KAZN: variants seen among roughly 807,000 people sequenced by gnomAD.
KAZN encodes kazrin.
A neutral mutation model predicts 87.4 loss-of-function variants in KAZN; 40 were observed. That is an observed-to-expected ratio of 0.46 (90% CI 0.36 to 0.60). The LOEUF (loss-of-function observed/expected upper bound fraction) is 0.60, where lower values mean the gene tolerates loss of function less well. KAZN is among the 20% of genes least tolerant of loss of function. KAZN has a pLI of 0.00. For missense variants in KAZN, 898 were observed against 1,073.9 expected (o/e 0.84, Z 2.29); for synonymous variants, 466 against 458.3 (o/e 1.02, Z -0.22).
At chr1:14,835,541 T>A (rs1273080578) in intron 1 of KAZN, among the ~76,000 whole-genome samples, 1 of 152,142 alleles carries the variant, frequency 6.6e-6, no homozygotes. Flanking sequence ...AGTAAAGTTA[T>A]GGATAGTCTC....
chr1:14,591,832 A>G (rs1364894384), intron 2 of KAZN, among the ~76,000 whole-genome samples: 1 of 152,148 alleles, frequency 6.6e-6, no homozygotes. Context: ...CGTGTGTTTC[A>G]TCAACACTGA....
chr1:14,300,501 A>G (rs1365580916), intron 2 of KAZN, among the ~76,000 whole-genome samples: 3 of 152,106 alleles, frequency 2.0e-5, no homozygotes, highest in Admixed American at 6.5e-5. Context: ...CTCCCAAAGT[A>G]CTGAGATTAC....
chr1:14,582,028 G>C (rs999548058), intron 2 of KAZN, among the ~76,000 whole-genome samples: 1 of 151,884 alleles, frequency 6.6e-6, no homozygotes, highest in Non-Finnish European at 1.5e-5. Context: ...AAAAGGGCAG[G>C]GACTTTGCCT....
At chr1:14,778,694 C>T (rs189327275) in intron 1 of KAZN, among the ~76,000 whole-genome samples, 1 of 152,282 alleles carries the variant, frequency 6.6e-6, no homozygotes, top group Admixed American at 6.5e-5. Context: ...TTCTCTTTTG[C>T]CACGTAACAA....
chr1:14,225,138 C>T lies in KAZN; in HGVS notation c.249+44546C>T, dbSNP rs10928053. 7.3e-3 allele frequency among the ~76,000 whole-genome samples: 1,108 copies of T among 152,170 alleles called. 14 individuals are homozygous for T. Among genetic ancestry groups the T allele is most frequent in the African/African-American group, 0.026 (1,068 of 41,554 alleles). On this transcript the variant is annotated intron_variant, in intron 2 of 16. Transcript: ENST00000636203. ...TCTGTTTGCAGACAATATAATTTTA[C>T]ACCTAGAAAACCCCAGTCTTTGCTA...
intron 13 of KAZN, among the ~76,000 whole-genome samples, chr1:15,109,657 G>T (rs1641420223): frequency 3.3e-5 from 1 of 30,362 alleles, no homozygotes; most frequent in Non-Finnish European, 6.1e-5. Flanking sequence ...GTATGTTTGT[G>T]TATGTGTTTA....
At chr1:14,580,383 G>A (rs571771756) in intron 2 of KAZN, among the ~76,000 whole-genome samples, 2 of 152,256 alleles carry the variant, frequency 1.3e-5, no homozygotes, top group African/African-American at 4.8e-5. Context: ...GCTGAGGCAG[G>A]AGAATTGCTT....
intron 2 of KAZN, among the ~76,000 whole-genome samples, chr1:14,288,148 G>A (rs1011201236): frequency 6.6e-6 from 1 of 152,112 alleles, no homozygotes; most frequent in Non-Finnish European, 1.5e-5. Flanking sequence ...CTCTTTTTTT[G>A]TTGTGTCTCT....
intron 1 of KAZN, among the ~76,000 whole-genome samples, chr1:13,929,210 C>A (rs1040656723): frequency 6.6e-6 from 1 of 152,030 alleles, no homozygotes; most frequent in Admixed American, 6.6e-5. Flanking sequence ...ACGAGCCTGG[C>A]CCAAGGGTCT....
intron 2 of KAZN, among the ~76,000 whole-genome samples, chr1:14,426,201 G>A (rs1156935937): frequency 1.3e-5 from 2 of 152,112 alleles, no homozygotes. Context: ...TTTCTTGAAT[G>A]TTCTTTCCCT....
chr1:13,966,623 C>T (rs1366880582), intron 1 of KAZN, among the ~76,000 whole-genome samples: 1 of 152,180 alleles, frequency 6.6e-6, no homozygotes, highest in Non-Finnish European at 1.5e-5. Context: ...CTCTTGGTGT[C>T]TACCACAGTA....
chr1:14,339,671 T>G (rs1373465372), intron 2 of KAZN, among the ~76,000 whole-genome samples: 1 of 152,230 alleles, frequency 6.6e-6, no homozygotes, highest in African/African-American at 2.4e-5. Flanking sequence ...TTCAACTGAC[T>G]GAATTAGCCC....
rs190498438 is a variant in KAZN, at chr1:14,829,752, T to C, written c.227-130932T>C. ...AAGAAGCGTGACAAATTTTCAGAGATCAGAGGAGGCTAGTGTGGCCAGAGC... is the reference window on the plus strand; with the variant it reads ...AAGAAGCGTGACAAATTTTCAGAGACCAGAGGAGGCTAGTGTGGCCAGAGC... On this transcript the variant is annotated intron_variant, in intron 1 of 14. Coordinates refer to ENST00000376030, the MANE Select transcript of KAZN (RefSeq NM_201628.3). 4.5e-4 allele frequency among the ~76,000 whole-genome samples: 69 copies of C among 152,260 alleles called. 1 individual carries two copies. The highest frequency in any genetic ancestry group is 3.4e-3 in the Middle Eastern group (1 of 294).
intron 1 of KAZN, among the ~76,000 whole-genome samples, chr1:14,819,996 A>C (rs1157777715): frequency 1.3e-5 from 2 of 152,122 alleles, no homozygotes; most frequent in Non-Finnish European, 2.9e-5. Flanking sequence ...GGCATAAGCC[A>C]CTGTGCCTGG....
At chr1:14,912,759 A>G (rs918020031) in intron 1 of KAZN, among the ~76,000 whole-genome samples, 1 of 152,228 alleles carries the variant, frequency 6.6e-6, no homozygotes, top group African/African-American at 2.4e-5. Context: ...AAATGTTGGC[A>G]TCCGGTTTAA....
At chr1:14,834,591 G>C (rs1647164108) in intron 1 of KAZN, among the ~76,000 whole-genome samples, 1 of 151,438 alleles carries the variant, frequency 6.6e-6, no homozygotes, top group African/African-American at 2.4e-5. Flanking sequence ...TCGATCTCCT[G>C]ACCTTGTGAT....
At chr1:14,483,526 T>C (rs1211242868) in intron 2 of KAZN, among the ~76,000 whole-genome samples, 2 of 152,196 alleles carry the variant, frequency 1.3e-5, no homozygotes, top group Admixed American at 6.5e-5. Context: ...CTCTGTAAAA[T>C]ATTTTAAAGA....
At chr1:14,779,291 G>A (rs1645265187) in intron 1 of KAZN, among the ~76,000 whole-genome samples, 1 of 152,192 alleles carries the variant, frequency 6.6e-6, no homozygotes. Flanking sequence ...AGAGACCACA[G>A]AATTTATGAC....
chr1:14,924,520 G>C, intron 1 of KAZN: 3 of 1,007,398 alleles, frequency 3.0e-6, no homozygotes, highest in Non-Finnish European at 3.5e-6. Flanking sequence ...CCGGCGATCG[G>C]CCCCGCGCCG....
Sources: gnomAD v4.1 joint callset for allele counts (sites outside exome capture counted in the v4.1 genomes callset) on GRCh38, gnomAD v4.1.1 for gene constraint, MANE v1.5 for transcripts, NCBI Gene and HGNC (gene_info 2026-07-23, HGNC 2026-07-21) for gene names.